The following CXADR variants were observed in gnomAD, a reference collection of about 807,000 sequenced individuals.
CXADR encodes CXADR cell adhesion molecule.
A neutral mutation model predicts 40.3 loss-of-function variants in CXADR; 20 were observed. The observed-to-expected ratio is 0.50, with a 90% CI of 0.35 to 0.72. CXADR has a LOEUF of 0.72. Ranked by LOEUF, CXADR falls within the 30% of genes least tolerant of loss-of-function variation. The pLI, the probability that CXADR is intolerant of heterozygous loss-of-function variation, is 0.01. For synonymous variants in CXADR, 150 were observed against 161.3 expected, an observed-to-expected ratio of 0.93 and a Z score of 0.53; for missense variants, 332 against 449.1, an observed-to-expected ratio of 0.74 and a Z score of 2.36.
At chr21:17,545,768 T>C (rs2060888382) in intron 1 of CXADR, among the ~76,000 whole-genome samples, 1 of 117,480 alleles carries the variant, frequency 8.5e-6, no homozygotes, top group Non-Finnish European at 1.8e-5. Context: ...GAGTCAACTA[T>C]TTGGTTTTTT....
intron 6 of CXADR, 21 bp from the exon 7 acceptor site, chr21:17,565,407 A>G (rs2061192149): frequency 6.2e-7 from 1 of 1,611,720 alleles, no homozygotes; most frequent in Non-Finnish European, 8.5e-7. Context: ...CTTGACATGT[A>G]TTGGGGATTT....
At chr21:17,553,103 A>G (rs2060989852) in intron 3 of CXADR, among the ~76,000 whole-genome samples, 1 of 152,082 alleles carries the variant, frequency 6.6e-6, no homozygotes, top group Non-Finnish European at 1.5e-5. Flanking sequence ...TTGTATGTTT[A>G]GTAGAAACAG....
chr21:17,558,885 T>C, intron 3 of CXADR, 91 bp from the exon 4 acceptor site: 1 of 1,318,994 alleles, frequency 7.6e-7, no homozygotes, highest in Non-Finnish European at 1.0e-6. Flanking sequence ...CAGAACCAAC[T>C]GATAATGAGT....
At position 17,568,182 on chromosome 21, in the gene CXADR, G is replaced by A. The variant is rs1280340224; in HGVS notation, c.*2490G>A. 2 of 962,114 alleles carry A rather than the reference G, an allele frequency of 2.1e-6. No homozygotes were observed. The highest frequency in any genetic ancestry group is 2.4e-6 in the Non-Finnish European group (2 of 817,532). 59.6% of individuals were successfully genotyped at this position (962,114 alleles called of 1,614,324 possible). A position where few individuals can be genotyped will look rare whatever the true frequency, so the allele number is the denominator to read the frequency against. The stretch of plus-strand genomic sequence containing the variant: ...CTCGGTCTGTCACCCAGGCTGGAGT[G>A]CAGTGGCGGGATCTCGGCTCACTGC... On this transcript the variant is annotated 3_prime_UTR_variant, in exon 7 of 7. Coordinates refer to ENST00000284878, the MANE Select transcript of CXADR (RefSeq NM_001338.5).
chr21:17,528,056 G>GCTTAGTT (rs1305951785), intron 1 of CXADR, among the ~76,000 whole-genome samples: 1 of 129,956 alleles, frequency 7.7e-6, no homozygotes, highest in African/African-American at 2.9e-5. Flanking sequence ...CTCTCCTTAT[G>GCTTAGTT]CTTAGTTCTT....
At chr21:17,554,202 G>A (rs1253109044) in intron 3 of CXADR, among the ~76,000 whole-genome samples, 1 of 152,144 alleles carries the variant, frequency 6.6e-6, no homozygotes, top group Non-Finnish European at 1.5e-5. Context: ...GGATCCTGTG[G>A]GACCAGGTTC....
At chr21:17,594,446 T>C (rs2061477648), downstream of CXADR, 6 of 1,252,410 alleles carry the variant, frequency 4.8e-6, no homozygotes, top group Non-Finnish European at 6.6e-6. Flanking sequence ...CACATCTAAG[T>C]GACACTCCTA....
the CXADR span, among the ~76,000 whole-genome samples, chr21:17,631,387 G>C: frequency 6.6e-6 from 1 of 152,210 alleles, no homozygotes; most frequent in Non-Finnish European, 1.5e-5. Context: ...TTGTTGGCCA[G>C]CACACTAGTT....
At chr21:17,530,522 C>G (rs2060659966) in intron 1 of CXADR, 3 of 437,574 alleles carry the variant, frequency 6.9e-6, no homozygotes, top group African/African-American at 6.2e-5. Context: ...TATGAAATAA[C>G]TACTGTGAAG....
chr21:17,551,677 G>A (rs2060970624), intron 2 of CXADR, 72 bp from the exon 3 acceptor site: 1 of 1,358,588 alleles, frequency 7.4e-7, no homozygotes, highest in South Asian at 1.3e-5. Context: ...GGTGTATCCA[G>A]GGCTCCTTTA....
At chr21:17,619,059 G>A in the CXADR span, among the ~76,000 whole-genome samples, 1 of 152,190 alleles carries the variant, frequency 6.6e-6, no homozygotes, top group African/African-American at 2.4e-5. Context: ...ACAATATTCA[G>A]TAAACCATGC....
At chr21:17,561,988 G>A (rs1409239599) in intron 6 of CXADR, among the ~76,000 whole-genome samples, 1 of 152,064 alleles carries the variant, frequency 6.6e-6, no homozygotes, top group Non-Finnish European at 1.5e-5. Flanking sequence ...GTCTAGGGTG[G>A]GGTCTGGACA....
intron 7 of CXADR, among the ~76,000 whole-genome samples, chr21:17,586,228 TTTAA>T (rs2061394812): frequency 6.6e-6 from 1 of 152,064 alleles, no homozygotes; most frequent in African/African-American, 2.4e-5. Flanking sequence ...AATGATTTAC[TTTAA>T]TTATATACAG....
chr21:17,536,911 C>T (rs967766807), intron 1 of CXADR, among the ~76,000 whole-genome samples: 13 of 152,120 alleles, frequency 8.5e-5, no homozygotes, highest in African/African-American at 2.9e-4. Flanking sequence ...CGCCCACCAC[C>T]ATGCCCAGCT....
chr21:17,530,494 T>C (rs2060659673), intron 1 of CXADR: 2 of 445,634 alleles, frequency 4.5e-6, no homozygotes, highest in South Asian at 1.6e-5. Flanking sequence ...GGACCCTTTT[T>C]CCCAGCTTTT....
chr21:17,542,036 C>T, intron 1 of CXADR: 2 of 359,762 alleles, frequency 5.6e-6, no homozygotes, highest in South Asian at 2.3e-5. Flanking sequence ...TCTGTTTTTG[C>T]CAAATGGTGA....
chr21:17,565,282 GACACACACACACAC>G (rs6147430), intron 6 of CXADR, 132 bp from the exon 7 acceptor site: 445,189 of 802,800 alleles, frequency 0.55, 115,944 homozygotes, highest in East Asian at 0.63. Flanking sequence ...GCTTTTTTGT[GACACACACACACAC>G]ACACACACAC....
At chr21:17,605,196 C>T in the CXADR span, 5 of 529,886 alleles carry the variant, frequency 9.4e-6, no homozygotes, top group Non-Finnish European at 1.3e-5. Context: ...AAAGATGGCA[C>T]CTATGTGAGC....
the CXADR span, among the ~76,000 whole-genome samples, chr21:17,628,556 A>G: frequency 6.6e-6 from 1 of 151,948 alleles, no homozygotes; most frequent in African/African-American, 2.4e-5. Context: ...GCTGGAATGC[A>G]GTGGCGTGAT....
Sources: gnomAD v4.1 joint callset for allele counts (sites outside exome capture counted in the v4.1 genomes callset) on GRCh38, gnomAD v4.1.1 for gene constraint, MANE v1.5 for transcripts, NCBI Gene and HGNC (gene_info 2026-07-23, HGNC 2026-07-21) for gene names.